The following PCDHGB3 variants were observed in gnomAD, a reference collection of about 807,000 sequenced individuals.
PCDHGB3 encodes protocadherin gamma subfamily B, 3.
In PCDHGB3, 40 loss-of-function variants were observed where a neutral mutation model predicts 59.2. The observed-to-expected ratio is 0.68, with a 90% CI of 0.52 to 0.88. The LOEUF (loss-of-function observed/expected upper bound fraction) is 0.88, where lower values mean the gene tolerates loss of function less well. PCDHGB3 is among the 40% of genes least tolerant of loss of function. The pLI, the probability that PCDHGB3 is intolerant of heterozygous loss-of-function variation, is 0.00. For synonymous variants in PCDHGB3, 581 were observed against 503.6 expected, an observed-to-expected ratio of 1.15 and a Z score of -2.06; for missense variants, 1,309 against 1,187.9, an observed-to-expected ratio of 1.10 and a Z score of -1.50.
intron 1 of PCDHGB3, among the ~76,000 whole-genome samples, chr5:141,484,752 A>G (rs181317421): frequency 6.6e-5 from 10 of 151,098 alleles, no homozygotes; most frequent in Admixed American, 3.3e-4. Context: ...AAAAAAATGT[A>G]TATATATATA....
intron 1 of PCDHGB3, among the ~76,000 whole-genome samples, chr5:141,450,823 A>ATTT: frequency 7.5e-6 from 1 of 133,136 alleles, no homozygotes; most frequent in African/African-American, 2.9e-5. Flanking sequence ...TAATATTATT[A>ATTT]TTATTATTTT....
rs1329435709 is a variant in PCDHGB3 at position 141,485,726 on chromosome 5, C to T, written c.2416-9081C>T. ...ACACTTTGCACTGGATGTGAAGAAGCGCAGCGACGGCAGCCTGGTCCCAGA... is the reference window on the plus strand; with the variant it reads ...ACACTTTGCACTGGATGTGAAGAAGTGCAGCGACGGCAGCCTGGTCCCAGA... On this transcript the variant is annotated intron_variant, in intron 1 of 3. Coordinates refer to ENST00000576222, the MANE Select transcript of PCDHGB3 (RefSeq NM_018924.5). This position sits in a 1 kb window ranked among gnomAD's most constrained non-coding sequence, Gnocchi z 5.7. 2 of 1,614,138 alleles carry T rather than the reference C, an allele frequency of 1.2e-6. No homozygotes were observed. The highest frequency in any genetic ancestry group is 8.5e-7 in the Non-Finnish European group (1 of 1,180,024).
At chr5:141,470,165 G>C (rs559578238) in intron 1 of PCDHGB3, among the ~76,000 whole-genome samples, 1 of 152,276 alleles carries the variant, frequency 6.6e-6, no homozygotes, top group Non-Finnish European at 1.5e-5. Context: ...TCAAATCAAA[G>C]TATGCAAAAT....
At chr5:141,389,311 A>C in intron 1 of PCDHGB3, 2 of 1,613,988 alleles carry the variant, frequency 1.2e-6, no homozygotes, top group Non-Finnish European at 1.7e-6. Context: ...AGGGCTTCTG[A>C]TCCGGACTTG....
At chr5:141,422,127 A>G (rs779974245) in intron 1 of PCDHGB3, 1 of 1,600,944 alleles carries the variant, frequency 6.2e-7, no homozygotes. Context: ...CACAAACTGG[A>G]GAAGTTCAAG....
intron 1 of PCDHGB3, chr5:141,414,917 T>A: frequency 6.2e-7 from 1 of 1,614,148 alleles, no homozygotes; most frequent in Non-Finnish European, 8.5e-7. Context: ...GGCGTGGAGC[T>A]GGCGCCCCGC....
intron 1 of PCDHGB3, chr5:141,403,058 C>T (rs1264463559): frequency 1.9e-6 from 3 of 1,613,942 alleles, no homozygotes; most frequent in African/African-American, 2.7e-5. Context: ...CTACTCAGTG[C>T]CTGAAGAGAC....
At chr5:141,393,289 AC>A in intron 1 of PCDHGB3, 2 of 1,613,936 alleles carry the variant, frequency 1.2e-6, no homozygotes, top group Non-Finnish European at 1.7e-6. Flanking sequence ...GAAGCTGTTG[AC>A]CCGGATGTGG....
Position 141,485,172 on chromosome 5 carries a change from C to A in PCDHGB3, c.2416-9635C>A. ...CAAGTAGAGAATTAGCGGGCGGCAG[C>A]AATGCTCCGCAAGGTGAGAAGCTGG... On this transcript the variant is annotated intron_variant, in intron 1 of 3. Transcript: ENST00000576222. The surrounding 1 kb of genome is among the most constrained non-coding windows in gnomAD (Gnocchi z 5.7). 6.2e-7 allele frequency: 1 copy of A among 1,610,164 alleles called. No individual in the cohort carries two copies. The highest frequency in any genetic ancestry group is 8.5e-7 in the Non-Finnish European group (1 of 1,176,940).
intron 1 of PCDHGB3, among the ~76,000 whole-genome samples, chr5:141,445,264 G>A (rs566395616): frequency 1.4e-4 from 22 of 152,276 alleles, no homozygotes; most frequent in Admixed American, 1.4e-3. Flanking sequence ...AATATAAGTC[G>A]AAACCACTCT....
chr5:141,496,802 A>G (rs1483438160), intron 2 of PCDHGB3, among the ~76,000 whole-genome samples: 1 of 152,050 alleles, frequency 6.6e-6, no homozygotes, highest in Admixed American at 6.6e-5. Flanking sequence ...ACATTGGGCT[A>G]TAGGAGTGAA....
At chr5:141,389,918 C>T (rs1341057088) in intron 1 of PCDHGB3, 1 of 1,614,086 alleles carries the variant, frequency 6.2e-7, no homozygotes, top group Non-Finnish European at 8.5e-7. Context: ...ACCGCCCCGA[C>T]CCCTCTGACC....
At chr5:141,437,652 A>T (rs899628392) in intron 1 of PCDHGB3, among the ~76,000 whole-genome samples, 1 of 152,196 alleles carries the variant, frequency 6.6e-6, no homozygotes, top group African/African-American at 2.4e-5. Context: ...AAGCAAACAC[A>T]TAGTTTCGAA....
intron 1 of PCDHGB3, chr5:141,427,448 TC>T (rs1355717683): frequency 6.2e-6 from 3 of 484,982 alleles, no homozygotes; most frequent in Non-Finnish European, 1.2e-5. Flanking sequence ...ACGAAAGAGT[TC>T]CTTTTAGAAT....
chr5:141,459,300 A>T (rs954766370), intron 1 of PCDHGB3, among the ~76,000 whole-genome samples: 1 of 152,202 alleles, frequency 6.6e-6, no homozygotes, highest in Non-Finnish European at 1.5e-5. Flanking sequence ...ATCCTATAAC[A>T]TATACTATTT....
intron 1 of PCDHGB3, chr5:141,408,748 T>A (rs757813921): frequency 2.5e-6 from 4 of 1,608,714 alleles, no homozygotes; most frequent in Non-Finnish European, 3.4e-6. Flanking sequence ...CATTAATGGT[T>A]AGAGTTAATT....
chr5:141,380,459 C>T (rs1776510464), intron 1 of PCDHGB3, among the ~76,000 whole-genome samples: 1 of 152,164 alleles, frequency 6.6e-6, no homozygotes, highest in Non-Finnish European at 1.5e-5. Flanking sequence ...TGCAACCAAA[C>T]AAATGGTCAG....
Position 141,476,241 on chromosome 5 carries a change from A to G in PCDHGB3, c.2416-18566A>G, listed in dbSNP as rs375405507. ...CACTATGAGATCCCGGAGGAAAGAG[A>G]GAAGGGTTTCGCTGTGGGCAACGTG... On this transcript the variant is annotated intron_variant, in intron 1 of 3. Transcript: ENST00000576222. The surrounding 1 kb of genome is among the most constrained non-coding windows in gnomAD (Gnocchi z 7.6). 3.7e-6 allele frequency: 6 copies of G among 1,613,626 alleles called. No homozygotes were observed. The highest frequency in any genetic ancestry group is 2.2e-5 in the East Asian group (1 of 44,834).
intron 1 of PCDHGB3, chr5:141,383,555 A>G: frequency 6.2e-7 from 1 of 1,611,868 alleles, no homozygotes; most frequent in East Asian, 2.2e-5. Context: ...GATGGCGGCG[A>G]CCCGCCCCGA....
Sources: allele counts gnomAD v4.1 joint callset (sites outside exome capture counted in the v4.1 genomes callset), GRCh38; gene constraint gnomAD v4.1.1; non-coding constraint Gnocchi (gnomAD v3.1); transcripts MANE v1.5; gene names NCBI Gene and HGNC (gene_info 2026-07-23, HGNC 2026-07-21).